RANBP2: variants seen among roughly 807,000 people sequenced by gnomAD.
RANBP2 encodes RAN binding protein 2.
A neutral mutation model predicts 303.6 loss-of-function variants in RANBP2; 57 were observed. That is an observed-to-expected ratio of 0.19 (90% CI 0.15 to 0.23). The LOEUF is 0.23. Among genes scored for constraint, RANBP2 ranks in the 10% least tolerant of loss-of-function variants. The pLI is 1.00. For missense variants in RANBP2, 3,138 were observed against 3,780.8 expected, an observed-to-expected ratio of 0.83 and a Z score of 4.46; for synonymous variants, 1,167 against 1,301.5, an observed-to-expected ratio of 0.90 and a Z score of 2.23.
chr2:109,305,819 G>A, the RANBP2 span, among the ~76,000 whole-genome samples: 52 of 152,308 alleles, frequency 3.4e-4, no homozygotes, highest in Non-Finnish European at 1.8e-4. Context: ...GGGGCTGCTC[G>A]GCATCTCTCA....
chr2:109,357,251 G>A, the RANBP2 span, among the ~76,000 whole-genome samples: 2 of 151,282 alleles, frequency 1.3e-5, no homozygotes, highest in African/African-American at 2.4e-5. Flanking sequence ...GCACGATCTC[G>A]GCTTGCTGCA....
At chr2:109,287,176 A>C in the RANBP2 span, among the ~76,000 whole-genome samples, 1 of 152,224 alleles carries the variant, frequency 6.6e-6, no homozygotes, top group African/African-American at 2.4e-5. Context: ...TATATGCCAC[A>C]GAATTTTGCA....
rs1021841218 is a variant in RANBP2 at position 108,785,566 on chromosome 2, T to G, written c.*1665T>G. ...AAGCTTTAAAAACTTTGACCAAAAA[T>G]TTGACAAAATGACATGTAAACTGAC... On this transcript the variant is annotated 3_prime_UTR_variant, in exon 29 of 29. Transcript: ENST00000283195. The G allele has an allele frequency of 5.3e-5, 8 of 152,192 alleles. No individual in the cohort carries two copies. The highest frequency in any genetic ancestry group is 1.9e-4 in the African/African-American group (8 of 41,442). The allele number at this position is 152,192 out of a possible 1,614,324, so 9.4% of individuals were successfully genotyped here.
chr2:109,285,141 CAGTG>C, the RANBP2 span, among the ~76,000 whole-genome samples: 60 of 152,318 alleles, frequency 3.9e-4, no homozygotes, highest in East Asian at 0.01. Context: ...GTAGGGGTGA[CAGTG>C]AGGCTTTCTA....
chr2:109,585,123 T>A, the RANBP2 span: 1 of 1,539,094 alleles, frequency 6.5e-7, no homozygotes, highest in Non-Finnish European at 8.8e-7. Context: ...AGAAAACACA[T>A]ACCTCTCTTC....
chr2:109,268,321 C>T, the RANBP2 span, among the ~76,000 whole-genome samples: 6,553 of 151,844 alleles, frequency 0.043, 195 homozygotes, highest in Middle Eastern at 0.13. Flanking sequence ...TGGAAGACCC[C>T]CTCACCCACA....
chr2:109,386,208 A>G, the RANBP2 span, among the ~76,000 whole-genome samples: 3 of 152,220 alleles, frequency 2.0e-5, no homozygotes, highest in Non-Finnish European at 2.9e-5. Flanking sequence ...GGAAGGAGGA[A>G]GTGACCCAGG....
the RANBP2 span, among the ~76,000 whole-genome samples, chr2:109,255,184 C>T: frequency 6.6e-6 from 1 of 152,082 alleles, no homozygotes; most frequent in East Asian, 1.9e-4. Context: ...GTGTGTGTGG[C>T]ATTTCACTTT....
chr2:109,437,155 A>T, the RANBP2 span: 1 of 1,604,298 alleles, frequency 6.2e-7, no homozygotes, highest in African/African-American at 1.3e-5. Context: ...AGGTACCTTC[A>T]CAGGGGCCTC....
chr2:109,452,494 C>T, the RANBP2 span, among the ~76,000 whole-genome samples: 272 of 152,346 alleles, frequency 1.8e-3, no homozygotes, highest in Non-Finnish European at 3.2e-3. Flanking sequence ...AGTTTCCTAG[C>T]GCTAGTGCTG....
chr2:108,850,730 C>T, the RANBP2 span, among the ~76,000 whole-genome samples: 2 of 152,126 alleles, frequency 1.3e-5, no homozygotes, highest in Non-Finnish European at 2.9e-5. Context: ...GGATTACAGG[C>T]GTGAGCCACT....
At chr2:109,667,127 T>C in the RANBP2 span, 1 of 1,232,600 alleles carries the variant, frequency 8.1e-7, no homozygotes, top group South Asian at 1.3e-5. Context: ...TTTATTTTAC[T>C]TTTCAGCCAA....
chr2:109,616,077 C>T, the RANBP2 span: 1 of 1,494,350 alleles, frequency 6.7e-7, no homozygotes. Flanking sequence ...AAAATTGCTT[C>T]TTTTAGAAAA....
chr2:109,334,358 T>TAAAAAAA, the RANBP2 span, among the ~76,000 whole-genome samples: 2 of 126,118 alleles, frequency 1.6e-5, no homozygotes, highest in Admixed American at 8.4e-5. Flanking sequence ...TTTTTTCCTT[T>TAAAAAAA]AAAAAAAAAA....
Position 108,751,463 on chromosome 2 carries a change from C to G in RANBP2, c.1455+18C>G. ...ATCTTGAAGTAAGCAAAGATTTTAA[C>G]AAATTAAATATTCTGAATTTTGTTT... On this transcript the variant is annotated intron_variant, in intron 10 of 28. Coordinates refer to ENST00000283195, the MANE Select transcript of RANBP2 (RefSeq NM_006267.5). 2 of 1,611,806 alleles carry G rather than the reference C, an allele frequency of 1.2e-6. No individual in the cohort carries two copies. The highest frequency in any genetic ancestry group is 1.1e-5 in the South Asian group (1 of 90,942).
At chr2:109,238,806 G>T in the RANBP2 span, among the ~76,000 whole-genome samples, 1 of 152,074 alleles carries the variant, frequency 6.6e-6, no homozygotes, top group African/African-American at 2.4e-5. Flanking sequence ...GATGAAACCC[G>T]GCGAGGTGTG....
chr2:109,133,083 C>T, the RANBP2 span, among the ~76,000 whole-genome samples: 2 of 152,176 alleles, frequency 1.3e-5, no homozygotes, highest in African/African-American at 4.8e-5. Flanking sequence ...ATGGAGCTGA[C>T]AGTAGAGGTA....
chr2:109,137,757 C>T, the RANBP2 span, among the ~76,000 whole-genome samples: 1 of 152,234 alleles, frequency 6.6e-6, no homozygotes, highest in Non-Finnish European at 1.5e-5. Flanking sequence ...CCGTCCTGAT[C>T]AGCCGTTGTT....
At chr2:109,690,451 T>G in the RANBP2 span, among the ~76,000 whole-genome samples, 4 of 152,198 alleles carry the variant, frequency 2.6e-5, no homozygotes, top group Non-Finnish European at 5.9e-5. Context: ...GAGGGATGAC[T>G]TTGAATAGAA....
Sources: gnomAD v4.1 joint callset for allele counts (sites outside exome capture counted in the v4.1 genomes callset) on GRCh38, gnomAD v4.1.1 for gene constraint, MANE v1.5 for transcripts, NCBI Gene and HGNC (gene_info 2026-07-23, HGNC 2026-07-21) for gene names.